NRCAM: variants seen among roughly 807,000 people sequenced by gnomAD.
The protein encoded by NRCAM is neuronal cell adhesion molecule.
A neutral mutation model predicts 156.5 loss-of-function variants in NRCAM; 83 were observed. That is an observed-to-expected ratio of 0.53 (90% CI 0.44 to 0.64). The LOEUF (loss-of-function observed/expected upper bound fraction) is 0.64, where lower values mean the gene tolerates loss of function less well. NRCAM is among the 30% of genes least tolerant of loss of function. The probability of loss-of-function intolerance (pLI) is 0.00; values close to 1 mark genes in which losing one functional copy is unlikely to be tolerated. For synonymous variants in NRCAM, 538 were observed against 563.9 expected, an observed-to-expected ratio of 0.95 and a Z score of 0.65; for missense variants, 1,417 against 1,597.3, an observed-to-expected ratio of 0.89 and a Z score of 1.92.
chr7:108,156,957 A>C (rs1406559452), intron 32 of NRCAM, among the ~76,000 whole-genome samples: 1 of 152,166 alleles, frequency 6.6e-6, no homozygotes, highest in East Asian at 1.9e-4. Flanking sequence ...AAAATAAACC[A>C]AAGGGAAAAC....
rs398005789 is a variant in NRCAM, at chr7:108,428,943, TTTTC to T, written c.-332+27296_-332+27299del. On this transcript the variant is annotated intron_variant, in intron 1 of 32. Coordinates refer to ENST00000379028, the MANE Select transcript of NRCAM (RefSeq NM_001037132.4). ...CATTGTGACCTAAAATTTTCTTTTC[TTTTC>T]TTCTTTTTTTTTTTAAAGGCTTCCA... Among the ~76,000 whole-genome samples the T allele has an allele frequency of 6.3e-3, 936 of 148,112 alleles. 8 individuals are homozygous for T. The highest frequency in any genetic ancestry group is 9.6e-3 in the Non-Finnish European group (639 of 66,590).
intron 2 of NRCAM, among the ~76,000 whole-genome samples, chr7:108,345,605 G>A (rs769098347): frequency 4.1e-4 from 62 of 152,210 alleles, no homozygotes; most frequent in Non-Finnish European, 7.4e-4. Context: ...TCTTCATGAT[G>A]GGATTAATGG....
intron 2 of NRCAM, among the ~76,000 whole-genome samples, chr7:108,378,428 AAG>A (rs2099685550): frequency 6.6e-6 from 1 of 152,258 alleles, no homozygotes; most frequent in East Asian, 1.9e-4. Flanking sequence ...GAGACCAAAA[AAG>A]AGAGAGAAAT....
chr7:108,277,001 T>G (rs937361043), intron 3 of NRCAM, among the ~76,000 whole-genome samples: 2 of 152,178 alleles, frequency 1.3e-5, no homozygotes. Context: ...TGAAGCTTAG[T>G]TTGGCTGGAT....
chr7:108,426,379 T>C (rs1817335574), intron 1 of NRCAM, among the ~76,000 whole-genome samples: 1 of 151,758 alleles, frequency 6.6e-6, no homozygotes, highest in Non-Finnish European at 1.5e-5. Context: ...TTCCCCTTTA[T>C]TTTAATTGTC....
At chr7:108,405,142 G>C (rs1489981481) in intron 1 of NRCAM, among the ~76,000 whole-genome samples, 1 of 152,208 alleles carries the variant, frequency 6.6e-6, no homozygotes, top group African/African-American at 2.4e-5. Context: ...GATCACACTG[G>C]TTGAGTAAAG....
Position 108,298,751 on chromosome 7 carries a change from A to G in NRCAM, c.-107+13914T>C, listed in dbSNP as rs115073834. ...GGAATTCTTCTGCTTGAATCTAAGG[A>G]TTTAAATTTTCCTTCCTTTGTCTCT... On this transcript the variant is annotated intron_variant, in intron 3 of 32. Transcript: ENST00000379028. 4.7e-3 allele frequency among the ~76,000 whole-genome samples: 711 copies of G among 151,934 alleles called. 6 individuals are homozygous for G. The highest frequency in any genetic ancestry group is 0.016 in the African/African-American group (682 of 41,442).
rs568521504 is a variant in NRCAM at position 108,218,179 on chromosome 7, G to T, written c.890+5546C>A. On this transcript the variant is annotated intron_variant, in intron 11 of 32. Coordinates refer to ENST00000379028, the MANE Select transcript of NRCAM (RefSeq NM_001037132.4). Reference sequence around the variant, plus strand: ...CCTCACGGCTTCCCTTGGCTGGGGGGGGGGGGGAGTTCCCCGACCCCTTGC... The same window carrying T: ...CCTCACGGCTTCCCTTGGCTGGGGGTGGGGGGGAGTTCCCCGACCCCTTGC... 3.8e-3 allele frequency among the ~76,000 whole-genome samples: 572 copies of T among 151,906 alleles called. 3 individuals are homozygous for T. Among genetic ancestry groups the T allele is most frequent in the Non-Finnish European group, 4.8e-3 (325 of 67,924 alleles).
At chr7:108,264,576 T>C (rs2097016802) in intron 3 of NRCAM, among the ~76,000 whole-genome samples, 1 of 152,250 alleles carries the variant, frequency 6.6e-6, no homozygotes, top group African/African-American at 2.4e-5. Context: ...TTCATACCAG[T>C]TGATACAATA....
intron 2 of NRCAM, among the ~76,000 whole-genome samples, chr7:108,398,028 T>C (rs2099781861): frequency 6.6e-6 from 1 of 152,146 alleles, no homozygotes; most frequent in Non-Finnish European, 1.5e-5. Flanking sequence ...AAATACAAAA[T>C]CAAATACATA....
chr7:108,167,184 C>T lies in NRCAM; in HGVS notation c.3314-111G>A, dbSNP rs2055004970. The T allele has an allele frequency of 8.4e-6, 6 of 713,028 alleles. 1 individual carries two copies. The highest frequency in any genetic ancestry group is 8.0e-5 in the South Asian group (4 of 50,078). 44.2% of individuals were successfully genotyped at this position (713,028 alleles called of 1,614,324 possible). ...TAAGCTAAAGACAAGATGTAGGATG[C>T]TTAGGTTTACCATTTTAGATTATTA... On this transcript the variant is annotated intron_variant, in intron 29 of 32. Transcript: ENST00000379028.
chr7:108,271,174 A>T (rs1465861027), intron 3 of NRCAM, among the ~76,000 whole-genome samples: 1 of 152,274 alleles, frequency 6.6e-6, no homozygotes, highest in Non-Finnish European at 1.5e-5. Context: ...AAGATCAAAC[A>T]GCTACCAGCA....
intron 2 of NRCAM, among the ~76,000 whole-genome samples, chr7:108,372,798 C>A (rs888287069): frequency 6.6e-5 from 10 of 152,020 alleles, no homozygotes; most frequent in Non-Finnish European, 7.4e-5. Flanking sequence ...GGAGATTCCT[C>A]AAAAAATTAA....
chr7:108,388,179 T>C (rs1353261090), intron 2 of NRCAM, among the ~76,000 whole-genome samples: 2 of 152,206 alleles, frequency 1.3e-5, no homozygotes, highest in Admixed American at 1.3e-4. Context: ...CCATCAACAG[T>C]GTAAAAGTGT....
chr7:108,274,797 C>T (rs982046006), intron 3 of NRCAM, among the ~76,000 whole-genome samples: 3 of 152,146 alleles, frequency 2.0e-5, no homozygotes, highest in Admixed American at 6.6e-5. Flanking sequence ...TGGCGACAGA[C>T]GGCATCCTTG....
chr7:108,266,720 A>G (rs758850860), intron 3 of NRCAM, among the ~76,000 whole-genome samples: 8 of 152,118 alleles, frequency 5.3e-5, no homozygotes, highest in Admixed American at 1.3e-4. Flanking sequence ...CTGCCATCTG[A>G]TGCAGGCCAC....
In NRCAM at chr7:108,178,124, A is replaced by G. The variant is rs1363028247; in HGVS notation, c.2852-12T>C. 3 of 1,608,246 alleles carry G rather than the reference A, an allele frequency of 1.9e-6. No individual in the cohort carries two copies. The highest frequency in any genetic ancestry group is 2.5e-6 in the Non-Finnish European group (3 of 1,177,204). On this transcript the variant is annotated splice_polypyrimidine_tract_variant and intron_variant, in intron 25 of 32. Transcript: ENST00000379028. ...GGGAGCACTGGGGACTTACAGTGAGAACTTACAGTCAACACAAAGATTTCT... is the reference window on the plus strand; with the variant it reads ...GGGAGCACTGGGGACTTACAGTGAGGACTTACAGTCAACACAAAGATTTCT...
chr7:108,410,380 GGATAA>G (rs1793952101), intron 1 of NRCAM, among the ~76,000 whole-genome samples: 1 of 152,104 alleles, frequency 6.6e-6, no homozygotes, highest in South Asian at 2.1e-4. Context: ...AAAGACTAGG[GGATAA>G]TTTTCTTGGA....
rs10616664 is a variant in NRCAM, at chr7:108,208,139, C to CA, written c.1076-481dup. On this transcript the variant is annotated intron_variant, in intron 12 of 32. Transcript: ENST00000379028. ...TAAAACCCTGTTGCTATTAAAAATA[C>CA]AAAAAAAAAAAAAAAAATTAGCCAG... 1.4e-3 allele frequency among the ~76,000 whole-genome samples: 202 copies of CA among 140,448 alleles called. 1 individual carries two copies. Among genetic ancestry groups the CA allele is most frequent in the African/African-American group, 3.8e-3 (145 of 38,156 alleles). The allele number at this position is 140,448 out of a possible 152,430, so 92.1% of individuals were successfully genotyped here. A position where few individuals can be genotyped will look rare whatever the true frequency, so the allele number is the denominator to read the frequency against.
Sources: gnomAD v4.1 joint callset for allele counts (sites outside exome capture counted in the v4.1 genomes callset) on GRCh38, gnomAD v4.1.1 for gene constraint, MANE v1.5 for transcripts, NCBI Gene and HGNC (gene_info 2026-07-23, HGNC 2026-07-21) for gene names.